The following HMCN1 variants were observed in gnomAD, a reference collection of about 807,000 sequenced individuals.
HMCN1 encodes hemicentin-1.
A neutral mutation model predicts 625.9 loss-of-function variants in HMCN1; 321 were observed. That is an observed-to-expected ratio of 0.51 (90% CI 0.47 to 0.56). HMCN1 has a LOEUF of 0.56. Among genes scored for constraint, HMCN1 ranks in the 20% least tolerant of loss-of-function variants. The pLI is 0.00. For missense variants in HMCN1, 6,588 were observed against 6,887.3 expected, an observed-to-expected ratio of 0.96 and a Z score of 1.54; for synonymous variants, 2,425 against 2,417.6, an observed-to-expected ratio of 1.00 and a Z score of -0.09.
intron 102 of HMCN1, among the ~76,000 whole-genome samples, chr1:186,172,440 A>G (rs1351907965): frequency 6.6e-6 from 1 of 152,206 alleles, no homozygotes; most frequent in African/African-American, 2.4e-5. Flanking sequence ...GAAATTTAGC[A>G]TATATGTTAA....
chr1:186,181,281 TAAAGC>T (rs1253444941), intron 104 of HMCN1, among the ~76,000 whole-genome samples: 3 of 152,142 alleles, frequency 2.0e-5, no homozygotes, highest in Non-Finnish European at 4.4e-5. Context: ...TAATTTTAGT[TAAAGC>T]AAAACACCAC....
At chr1:186,102,081 CAA>C (rs1242977751) in intron 68 of HMCN1, among the ~76,000 whole-genome samples, 1 of 151,968 alleles carries the variant, frequency 6.6e-6, no homozygotes, top group Non-Finnish European at 1.5e-5. Context: ...TAAATAATGA[CAA>C]AGATAGATCT....
At chr1:186,014,680 A>G (rs899693567) in intron 30 of HMCN1, among the ~76,000 whole-genome samples, 2 of 152,142 alleles carry the variant, frequency 1.3e-5, no homozygotes, top group African/African-American at 2.4e-5. Flanking sequence ...CCCCCAAAAA[A>G]AGAAAAAAAT....
intron 1 of HMCN1, among the ~76,000 whole-genome samples, chr1:185,773,661 T>C (rs1372429983): frequency 6.6e-6 from 1 of 152,166 alleles, no homozygotes; most frequent in Non-Finnish European, 1.5e-5. Context: ...TTATGGTCTA[T>C]GATAGAATGA....
chr1:185,801,090 C>A (rs1654769946), intron 1 of HMCN1, among the ~76,000 whole-genome samples: 1 of 152,114 alleles, frequency 6.6e-6, no homozygotes, highest in African/African-American at 2.4e-5. Context: ...CGACTGTACA[C>A]AAGAGGTGCT....
intron 106 of HMCN1, 42 bp downstream of exon 106, chr1:186,188,051 C>T (rs924829012): frequency 2.6e-5 from 42 of 1,611,000 alleles, no homozygotes; most frequent in Non-Finnish European, 3.3e-5. Context: ...TTTGAAAATC[C>T]TTCCTCCCAC....
In HMCN1 at chr1:186,151,200, G is replaced by C. The variant is rs755387915; in HGVS notation, c.14609G>C (p.Gly4870Ala). 3 of 1,613,376 alleles carry C rather than the reference G, an allele frequency of 1.9e-6. No individual in the cohort carries two copies. The highest frequency in any genetic ancestry group is 2.2e-5 in the South Asian group (2 of 91,018). The change falls in exon 94 of 107, where the codon GGT becomes GCT. Residue 4870 changes from glycine to alanine, a missense_variant and splice_region_variant. This residue lies in a region of HMCN1 where 1,954 missense variants were observed against 2,013.1 expected (regional missense o/e 0.97). Transcript: ENST00000271588. Reference protein sequence around the residue: ...VTRCNVQACPGGPQRARGSVI... With the variant: ...VTRCNVQACPAGPQRARGSVI... ...GGAATGTTTTTTTTTCCCCCAATAG[G>C]TGGGCCCCAGCGAGCCAGAGGAAGT...
In HMCN1 at chr1:186,122,440, C is replaced by A. The variant is rs180869693; in HGVS notation, c.12230-511C>A. Among the ~76,000 whole-genome samples the A allele has an allele frequency of 1.2e-4, 19 of 152,138 alleles. 1 individual carries two copies. The highest frequency in any genetic ancestry group is 9.8e-4 in the Admixed American group (15 of 15,274). On this transcript the variant is annotated intron_variant, in intron 80 of 106. Transcript: ENST00000271588. ...TCCAAATAAATGGGAAGAGTTTTACCTATATAATTATTTTCCATGATCTAT... is the reference window on the plus strand; with the variant it reads ...TCCAAATAAATGGGAAGAGTTTTACATATATAATTATTTTCCATGATCTAT...
At chr1:186,094,255 G>A in intron 66 of HMCN1, 21 bp from the exon 67 acceptor site, 1 of 1,571,464 alleles carries the variant, frequency 6.4e-7, no homozygotes, top group South Asian at 1.1e-5. Flanking sequence ...GTGATGAAAT[G>A]TGGATCAAAT....
At chr1:185,954,621 A>T (rs1649486046) in intron 11 of HMCN1, among the ~76,000 whole-genome samples, 1 of 152,172 alleles carries the variant, frequency 6.6e-6, no homozygotes, top group African/African-American at 2.4e-5. Context: ...ACATCTAAAA[A>T]TGTATGACCC....
intron 101 of HMCN1, 147 bp downstream of exon 101, chr1:186,171,597 A>C: frequency 1.6e-6 from 1 of 640,074 alleles, no homozygotes; most frequent in East Asian, 2.7e-5. Flanking sequence ...CAAAACCAAA[A>C]TGACAAAAAA....
chr1:185,989,392 T>C lies in HMCN1; in HGVS notation c.3049-96T>C, dbSNP rs76263100. 7,042 of 1,432,426 alleles carry C rather than the reference T, an allele frequency of 4.9e-3. 252 individuals carry two copies. The African/African-American group carries it at 0.085, about 17-fold the overall frequency. The allele number at this position is 1,432,426 out of a possible 1,614,324, so 88.7% of individuals were successfully genotyped here. On this transcript the variant is annotated intron_variant, in intron 20 of 106. Coordinates refer to ENST00000271588, the MANE Select transcript of HMCN1 (RefSeq NM_031935.3). ...TCTATTCCCCTCTTGGAGATGTTTT[T>C]TTCTCTCTATTCCTCTTCCAGACAT...
chr1:186,118,547 T>C (rs1246010882), intron 77 of HMCN1, among the ~76,000 whole-genome samples: 1 of 152,226 alleles, frequency 6.6e-6, no homozygotes, highest in Admixed American at 6.5e-5. Context: ...CAAAGGCTTA[T>C]ATGCAAATCT....
chr1:185,748,107 A>C (rs1295335194), intron 1 of HMCN1, among the ~76,000 whole-genome samples: 1 of 151,464 alleles, frequency 6.6e-6, no homozygotes, highest in Admixed American at 6.6e-5. Context: ...AGTAATAGAG[A>C]ACAAAATTTT....
chr1:185,829,412 C>T (rs937782121), intron 1 of HMCN1, among the ~76,000 whole-genome samples: 1 of 152,110 alleles, frequency 6.6e-6, no homozygotes, highest in Non-Finnish European at 1.5e-5. Flanking sequence ...TCCCCTCACC[C>T]CTTACCCCCC....
chr1:185,780,308 C>G (rs542178396), intron 1 of HMCN1, among the ~76,000 whole-genome samples: 7 of 152,316 alleles, frequency 4.6e-5, no homozygotes, highest in African/African-American at 1.7e-4. Context: ...GACAATTTGA[C>G]TTCCTCTTTT....
rs1272780640 is a variant in HMCN1, at chr1:186,189,989, G to A, written c.*111G>A. 2 of 1,221,096 alleles carry A rather than the reference G, an allele frequency of 1.6e-6. No individual in the cohort carries two copies. Among genetic ancestry groups the A allele is most frequent in the Non-Finnish European group, 2.4e-6 (2 of 836,530 alleles). 75.6% of individuals were successfully genotyped at this position (1,221,096 alleles called of 1,614,324 possible). Reference sequence around the variant, plus strand: ...GTTGCAATCTTGGCAGCTTGAAAATGGTGCTACACTCTGTTTTGTGTGCCT... The same window carrying A: ...GTTGCAATCTTGGCAGCTTGAAAATAGTGCTACACTCTGTTTTGTGTGCCT... On this transcript the variant is annotated 3_prime_UTR_variant, in exon 107 of 107. Transcript: ENST00000271588.
intron 1 of HMCN1, among the ~76,000 whole-genome samples, chr1:185,822,551 C>G (rs1020835122): frequency 7.9e-5 from 12 of 152,118 alleles, no homozygotes; most frequent in Non-Finnish European, 1.6e-4. Flanking sequence ...CCTCACACAG[C>G]TACATTAAAG....
chr1:186,040,147 T>C (rs772776595), intron 39 of HMCN1, among the ~76,000 whole-genome samples: 3 of 152,130 alleles, frequency 2.0e-5, no homozygotes, highest in Non-Finnish European at 2.9e-5. Context: ...GTTTTCTACC[T>C]GCCCCACTCC....
Sources: allele counts gnomAD v4.1 joint callset (sites outside exome capture counted in the v4.1 genomes callset), GRCh38; gene constraint gnomAD v4.1.1; regional missense constraint gnomAD v4.1.1; transcripts MANE v1.5; gene names NCBI Gene and HGNC (gene_info 2026-07-23, HGNC 2026-07-21).